TEX9: variants seen among roughly 807,000 people sequenced by gnomAD.
TEX9 encodes the protein testis expressed 9.
Under a neutral mutation model 59.6 loss-of-function variants are expected in TEX9, and 74 were observed. That is an observed-to-expected ratio of 1.24 (90% confidence interval 1.03 to 1.51). TEX9 has a LOEUF of 1.51. Among genes scored for constraint, TEX9 ranks in the 40% most tolerant of loss-of-function variants. The pLI, the probability that TEX9 is intolerant of heterozygous loss-of-function variation, is 0.00. For synonymous variants in TEX9, 186 were observed against 152.2 expected, an observed-to-expected ratio of 1.22 and a Z score of -1.64; for missense variants, 522 against 447.8, an observed-to-expected ratio of 1.17 and a Z score of -1.49.
At chr15:56,252,870 C>T (rs1213717763) in intron 1 of TEX9, among the ~76,000 whole-genome samples, 1 of 152,134 alleles carries the variant, frequency 6.6e-6, no homozygotes, top group East Asian at 1.9e-4. Context: ...GGGATAATAA[C>T]TCCTTCACTC....
At chr15:56,407,592 C>T (rs1409510916) in intron 9 of TEX9, among the ~76,000 whole-genome samples, 2 of 152,072 alleles carry the variant, frequency 1.3e-5, no homozygotes, top group African/African-American at 4.8e-5. Flanking sequence ...TTTGTCTCTT[C>T]TGTCATTTAT....
chr15:56,259,771 T>C (rs2718925), intron 1 of TEX9, among the ~76,000 whole-genome samples: 143,301 of 152,106 alleles, frequency 0.94, 67,787 homozygotes, highest in Non-Finnish European at 0.98. Context: ...TCCACAAAAA[T>C]TCTGTTAGGA....
intron 1 of TEX9, among the ~76,000 whole-genome samples, chr15:56,342,227 A>T (rs184634865): frequency 1.3e-5 from 2 of 152,252 alleles, no homozygotes; most frequent in Admixed American, 1.3e-4. Context: ...AATACTTCAT[A>T]TTCATTACTC....
chr15:56,317,080 C>G (rs1255146778), intron 1 of TEX9, among the ~76,000 whole-genome samples: 1 of 152,142 alleles, frequency 6.6e-6, no homozygotes, highest in Non-Finnish European at 1.5e-5. Context: ...AACCCGGTAC[C>G]TCAGATGGAA....
At chr15:56,327,384 A>T (rs1312752769) in intron 1 of TEX9, among the ~76,000 whole-genome samples, 1 of 152,192 alleles carries the variant, frequency 6.6e-6, no homozygotes, top group African/African-American at 2.4e-5. Context: ...TTTGTTTATT[A>T]AAACAATGCT....
chr15:56,260,887 G>GT (rs1596048516), intron 1 of TEX9, among the ~76,000 whole-genome samples: 1 of 151,820 alleles, frequency 6.6e-6, no homozygotes, highest in African/African-American at 2.4e-5. Context: ...TTCTTTGAGG[G>GT]TAAGTTTTAA....
At chr15:56,344,546 G>A (rs71476791) in intron 1 of TEX9, among the ~76,000 whole-genome samples, 2 of 152,142 alleles carry the variant, frequency 1.3e-5, no homozygotes, top group African/African-American at 4.8e-5. Context: ...ATGGGCACGG[G>A]GTTTCTTTTT....
intron 1 of TEX9, among the ~76,000 whole-genome samples, chr15:56,275,689 T>C (rs2044650876): frequency 6.6e-6 from 1 of 152,186 alleles, no homozygotes; most frequent in African/African-American, 2.4e-5. Context: ...CACGACTTTA[T>C]TGTCGTTATT....
At chr15:56,302,699 C>G (rs2045391753) in intron 1 of TEX9, among the ~76,000 whole-genome samples, 1 of 152,088 alleles carries the variant, frequency 6.6e-6, no homozygotes, top group Non-Finnish European at 1.5e-5. Flanking sequence ...GGAGTAAGTT[C>G]TTACTTATCA....
At chr15:56,300,961 A>G (rs1413467434) in intron 1 of TEX9, among the ~76,000 whole-genome samples, 1 of 152,214 alleles carries the variant, frequency 6.6e-6, no homozygotes, top group Admixed American at 6.5e-5. Context: ...AAGAATATCA[A>G]CGAGCATCAA....
intron 1 of TEX9, among the ~76,000 whole-genome samples, chr15:56,337,583 CA>C (rs1170427818): frequency 1.3e-5 from 2 of 152,190 alleles, no homozygotes; most frequent in African/African-American, 4.8e-5. Flanking sequence ...GACTAAAAGG[CA>C]CCAGGGAAGA....
chr15:56,439,939 G>A (rs1455628255), intron 12 of TEX9, among the ~76,000 whole-genome samples: 1 of 151,952 alleles, frequency 6.6e-6, no homozygotes, highest in Non-Finnish European at 1.5e-5. Context: ...AAGAAAAATC[G>A]TGCTCTAAGA....
At chr15:56,292,014 G>A (rs970744002) in intron 1 of TEX9, among the ~76,000 whole-genome samples, 5 of 152,192 alleles carry the variant, frequency 3.3e-5, no homozygotes, top group Admixed American at 2.6e-4. Context: ...CAACTGAGGC[G>A]CTGGCATAGA....
chr15:56,427,419 A>G (rs778654790), intron 10 of TEX9, among the ~76,000 whole-genome samples, 186 bp from the exon 11 acceptor site: 1 of 152,192 alleles, frequency 6.6e-6, no homozygotes, highest in Non-Finnish European at 1.5e-5. Flanking sequence ...AAAATGGGAA[A>G]TACCTGAGCA....
intron 1 of TEX9, among the ~76,000 whole-genome samples, chr15:56,349,991 C>G (rs2046546735): frequency 2.0e-5 from 3 of 152,060 alleles, no homozygotes; most frequent in East Asian, 1.9e-4. Flanking sequence ...TCCCTTACTG[C>G]CCTCTCCTTT....
intron 1 of TEX9, among the ~76,000 whole-genome samples, chr15:56,256,493 A>C (rs146244284): frequency 6.6e-6 from 1 of 152,118 alleles, no homozygotes; most frequent in Admixed American, 6.6e-5. Flanking sequence ...TTAAAAAGCT[A>C]GTGAAAAAAA....
intron 1 of TEX9, among the ~76,000 whole-genome samples, chr15:56,335,038 G>T (rs1258171327): frequency 1.3e-5 from 2 of 152,086 alleles, no homozygotes; most frequent in Admixed American, 1.3e-4. Context: ...AGGGAATCCT[G>T]GTACACTGTT....
downstream of TEX9, among the ~76,000 whole-genome samples, chr15:56,448,580 T>G (rs2050924665): frequency 6.6e-6 from 1 of 152,158 alleles, no homozygotes; most frequent in African/African-American, 2.4e-5. Flanking sequence ...TGTTTTTATG[T>G]CTGTAGAGTA....
intron 1 of TEX9, among the ~76,000 whole-genome samples, chr15:56,285,409 C>T (rs2044929837): frequency 6.6e-6 from 1 of 152,146 alleles, no homozygotes; most frequent in Non-Finnish European, 1.5e-5. Flanking sequence ...ACACCTTATA[C>T]CCTAAGGGTA....
Sources: allele counts gnomAD v4.1 joint callset (sites outside exome capture counted in the v4.1 genomes callset), GRCh38; gene constraint gnomAD v4.1.1; transcripts MANE v1.5; gene names NCBI Gene and HGNC (gene_info 2026-07-23, HGNC 2026-07-21).